Variants in PCDHA5 observed in about 807,000 individuals in gnomAD.
PCDHA5 encodes protocadherin alpha 5.
A neutral mutation model predicts 61.6 loss-of-function variants in PCDHA5; 43 were observed. That is an observed-to-expected ratio of 0.70 (90% CI 0.55 to 0.90). The LOEUF (loss-of-function observed/expected upper bound fraction) is 0.90. Ranked by LOEUF, PCDHA5 falls within the 40% of genes least tolerant of loss-of-function variation. The pLI is 0.00. For missense variants in PCDHA5, 1,298 were observed against 1,222.7 expected (o/e 1.06, Z -0.92); for synonymous variants, 627 against 543.9 (o/e 1.15, Z -2.13).
chr5:140,834,240 C>A, intron 1 of PCDHA5: 1 of 807,006 alleles, frequency 1.2e-6, no homozygotes, highest in Non-Finnish European at 1.9e-6. Flanking sequence ...CATTCCTTTT[C>A]GCACTGGAAA....
intron 1 of PCDHA5, among the ~76,000 whole-genome samples, chr5:140,948,865 C>A (rs1358865868): frequency 1.3e-5 from 2 of 151,324 alleles, no homozygotes; most frequent in Non-Finnish European, 3.0e-5. Context: ...TATATTACTT[C>A]GGGTTTACTT....
intron 1 of PCDHA5, among the ~76,000 whole-genome samples, chr5:140,906,070 C>T (rs1257687877): frequency 1.3e-5 from 2 of 152,162 alleles, no homozygotes; most frequent in South Asian, 2.1e-4. Flanking sequence ...CTGATTAGAT[C>T]GCACCCACCC....
Position 140,841,177 on chromosome 5 carries a change from T to C in PCDHA5, c.2352+17050T>C, listed in dbSNP as rs1485843958. 5 of 1,089,016 alleles carry C rather than the reference T, an allele frequency of 4.6e-6. No homozygotes were observed. The East Asian group carries it at 7.7e-5, about 17-fold the overall frequency. 67.5% of individuals were successfully genotyped at this position (1,089,016 alleles called of 1,614,324 possible). ...CTACCAAGAAGTTCTGGTTGGTCAA[T>C]GTTCAAAGTCTTTTCTCTGACAGCA... On this transcript the variant is annotated intron_variant, in intron 1 of 3. Coordinates refer to ENST00000529859, the MANE Select transcript of PCDHA5 (RefSeq NM_018908.3).
Position 140,883,273 on chromosome 5 carries a change from C to A in PCDHA5, c.2352+59146C>A, listed in dbSNP as rs370482487. Reference sequence around the variant, plus strand: ...ATATTCCAATGGCGGGTCATTGTACCCTTTTGGTGGAAGTACTAGATGTAA... The same window carrying A: ...ATATTCCAATGGCGGGTCATTGTACACTTTTGGTGGAAGTACTAGATGTAA... On this transcript the variant is annotated intron_variant, in intron 1 of 3. Transcript: ENST00000529859. 10 of 1,613,676 alleles carry A rather than the reference C, an allele frequency of 6.2e-6. No homozygotes were observed. The Middle Eastern group carries it at 6.6e-4, about 106-fold the overall frequency.
At chr5:140,937,824 A>G (rs1229119616) in intron 1 of PCDHA5, among the ~76,000 whole-genome samples, 1 of 151,696 alleles carries the variant, frequency 6.6e-6, no homozygotes, top group African/African-American at 2.4e-5. Context: ...AGGCAGGAGA[A>G]TGGCATGAAC....
rs1386534416 is a variant in PCDHA5, at chr5:140,823,018, G to C, written c.1243G>C (p.Glu415Gln). The C allele has an allele frequency of 6.2e-7, 1 of 1,614,236 alleles. No homozygotes were observed. The highest frequency in any genetic ancestry group is 8.5e-7 in the Non-Finnish European group (1 of 1,180,054). Residue 415 changes from glutamate (E) to glutamine (Q), a missense_variant, in exon 1 of 4, where the codon GAG becomes CAG. Transcript: ENST00000529859. Reference protein sequence around the residue: ...SLVLDSALDRESVSVYELVVT... With the variant: ...SLVLDSALDRQSVSVYELVVT... ...GGTGCTGGACAGCGCCCTGGACCGC[G>C]AGAGCGTGTCGGTCTATGAGCTGGT...
chr5:140,822,251 T>C lies in PCDHA5; in HGVS notation c.476T>C (p.Leu159Ser). ...TTTCCGCTAGAGGGCGCGTCGGATT[T>C]GGATATTGGAGCAAATGCACAATTG... Reference protein sequence around the residue: ...SRFPLEGASDLDIGANAQLRY... With the variant: ...SRFPLEGASDSDIGANAQLRY... Residue 159 changes from leucine (L) to serine (S), a missense_variant, in exon 1 of 4, where the codon TTG (leucine) becomes TCG (serine). Physicochemically the swap from Leu to Ser is moderately radical, Grantham distance 145. Coordinates refer to ENST00000529859, the MANE Select transcript of PCDHA5 (RefSeq NM_018908.3). 6.2e-7 allele frequency: 1 copy of C among 1,614,236 alleles called. No homozygotes were observed. The highest frequency in any genetic ancestry group is 8.5e-7 in the Non-Finnish European group (1 of 1,180,044).
At chr5:140,929,112 C>T in intron 1 of PCDHA5, 6 of 1,614,130 alleles carry the variant, frequency 3.7e-6, no homozygotes, top group Non-Finnish European at 5.1e-6. Context: ...TGACATCAGC[C>T]ACCATAGATG....
intron 1 of PCDHA5, chr5:140,967,692 G>C (rs781940460): frequency 6.2e-7 from 1 of 1,614,196 alleles, no homozygotes; most frequent in Admixed American, 1.7e-5. Flanking sequence ...CAGCTCTTCA[G>C]CATAGATGCC....
In PCDHA5 at chr5:140,982,576, G is replaced by C. The variant is rs782355791; in HGVS notation, c.2500+13G>C. ...AGTGCAACACCAGGTAAAGAGCTGG[G>C]GTCTCTCCATTCTTTCTTGGTTTCT... On this transcript the variant is annotated intron_variant, in intron 3 of 3. Transcript: ENST00000529859. 3.1e-6 allele frequency: 5 copies of C among 1,613,270 alleles called. 1 individual carries two copies. In the South Asian group the frequency reaches 5.5e-5, roughly 18 times the overall value.
intron 1 of PCDHA5, chr5:140,857,025 A>G: frequency 6.3e-7 from 1 of 1,596,330 alleles, no homozygotes; most frequent in Non-Finnish European, 8.6e-7. Flanking sequence ...GATAAGGGAA[A>G]CCCACCTATG....
chr5:140,987,898 A>T (rs1394668777), intron 3 of PCDHA5, among the ~76,000 whole-genome samples: 1 of 152,092 alleles, frequency 6.6e-6, no homozygotes, highest in Non-Finnish European at 1.5e-5. Context: ...CCCTAGTTTT[A>T]TATGGGGATT....
At chr5:140,979,894 C>G (rs1183667310) in intron 2 of PCDHA5, among the ~76,000 whole-genome samples, 2 of 152,206 alleles carry the variant, frequency 1.3e-5, no homozygotes, top group African/African-American at 4.8e-5. Context: ...ATTCACCAAA[C>G]TTAGATCAGT....
At chr5:140,926,879 C>G in intron 1 of PCDHA5, 1 of 1,534,480 alleles carries the variant, frequency 6.5e-7, no homozygotes, top group Non-Finnish European at 8.8e-7. Flanking sequence ...GGAACGTGGA[C>G]GCCTAGAGGG....
At chr5:140,849,777 C>T (rs2150449616) in intron 1 of PCDHA5, 2 of 1,598,440 alleles carry the variant, frequency 1.3e-6, no homozygotes, top group Non-Finnish European at 1.7e-6. Flanking sequence ...GGTTACCGCG[C>T]GGGACGGGGG....
chr5:140,869,029 A>T, intron 1 of PCDHA5: 4 of 1,526,468 alleles, frequency 2.6e-6, no homozygotes, highest in South Asian at 2.7e-5. Flanking sequence ...ATTCAACGAG[A>T]TTTTTAACCT....
chr5:140,927,536 G>A (rs1227240979), intron 1 of PCDHA5: 3 of 1,614,138 alleles, frequency 1.9e-6, no homozygotes, highest in Non-Finnish European at 2.5e-6. Context: ...GCCCGCTCAG[G>A]AGACGCACAA....
In PCDHA5 at chr5:140,857,202, C is replaced by A. The variant is rs560343247; in HGVS notation, c.2352+33075C>A. 14 of 1,598,626 alleles carry A rather than the reference C, an allele frequency of 8.8e-6. No individual in the cohort carries two copies. In the African/African-American group the frequency reaches 1.1e-4, roughly 12 times the overall value. On this transcript the variant is annotated intron_variant, in intron 1 of 3. Coordinates refer to ENST00000529859, the MANE Select transcript of PCDHA5 (RefSeq NM_018908.3). The stretch of plus-strand genomic sequence containing the variant: ...GATTCAGGAGCCAACGGACAGGTCA[C>A]CTGCTCTCTGACGCCTCACGTTCCG...
At chr5:140,832,341 G>A (rs1771938364) in intron 1 of PCDHA5, among the ~76,000 whole-genome samples, 1 of 152,184 alleles carries the variant, frequency 6.6e-6, no homozygotes, top group South Asian at 2.1e-4. Flanking sequence ...CTGAGTTGTG[G>A]TTTGTGTTTC....
Sources: gnomAD v4.1 joint callset for allele counts (sites outside exome capture counted in the v4.1 genomes callset) on GRCh38, gnomAD v4.1.1 for gene constraint, MANE v1.5 for transcripts, NCBI Gene and HGNC (gene_info 2026-07-23, HGNC 2026-07-21) for gene names.